The following RFFL variants were observed in gnomAD, a reference collection of about 807,000 sequenced individuals.
The protein encoded by RFFL is E3 ubiquitin-protein ligase rififylin.
Under a neutral mutation model 40.4 loss-of-function variants are expected in RFFL, and 16 were observed. The observed-to-expected ratio is 0.40, with a 90% CI of 0.27 to 0.60. The LOEUF (loss-of-function observed/expected upper bound fraction) is 0.60, where lower values mean the gene tolerates loss of function less well. Among genes scored for constraint, RFFL ranks in the 20% least tolerant of loss-of-function variants. The probability of loss-of-function intolerance (pLI) is 0.47; values close to 1 mark genes in which losing one functional copy is unlikely to be tolerated. For missense variants in RFFL, 367 were observed against 451.7 expected (o/e 0.81, Z 1.70); for synonymous variants, 154 against 167.9 (o/e 0.92, Z 0.64).
At chr17:35,019,672 C>T (rs1410334707) in intron 3 of RFFL, among the ~76,000 whole-genome samples, 1 of 152,030 alleles carries the variant, frequency 6.6e-6, no homozygotes, top group Non-Finnish European at 1.5e-5. Flanking sequence ...CCACGCCCAG[C>T]CAAGGTTCTT....
At chr17:35,035,569 C>T (rs1255977493) in intron 1 of RFFL, among the ~76,000 whole-genome samples, 1 of 151,662 alleles carries the variant, frequency 6.6e-6, no homozygotes, top group Non-Finnish European at 1.5e-5. Flanking sequence ...CTTAGACCTG[C>T]TCAGTCTAAC....
chr17:35,034,004 G>A (rs1012264749), intron 1 of RFFL, among the ~76,000 whole-genome samples: 1 of 151,784 alleles, frequency 6.6e-6, no homozygotes, highest in Non-Finnish European at 1.5e-5. Context: ...TTAGCCAGAC[G>A]TGGTGGCGGG....
At chr17:35,079,155 T>C (rs1212265673) in intron 1 of RFFL, among the ~76,000 whole-genome samples, 2 of 152,206 alleles carry the variant, frequency 1.3e-5, no homozygotes, top group Non-Finnish European at 2.9e-5. Context: ...TTTGTGTTCC[T>C]GGGATTACAG....
intron 1 of RFFL, among the ~76,000 whole-genome samples, chr17:35,052,115 C>T (rs1434208871): frequency 2.6e-5 from 4 of 152,146 alleles, no homozygotes; most frequent in East Asian, 1.9e-4. Flanking sequence ...TCAATATTAA[C>T]GGTTAGCAGA....
chr17:35,053,823 T>C (rs1052759443), intron 1 of RFFL, among the ~76,000 whole-genome samples: 6 of 152,254 alleles, frequency 3.9e-5, no homozygotes, highest in African/African-American at 1.4e-4. Context: ...GCCAGATCTC[T>C]TGATATTGAA....
At chr17:35,032,634 C>T (rs534691663) in intron 1 of RFFL, among the ~76,000 whole-genome samples, 1 of 152,022 alleles carries the variant, frequency 6.6e-6, no homozygotes, top group African/African-American at 2.4e-5. Context: ...TACACAGGTA[C>T]ATGTTTGGGC....
rs2090927408 is a variant in RFFL, at chr17:35,010,164, T to C, written c.*1804A>G. ...CATAAATATGTCTGTACCAATGTAA[T>C]AAGTCCCTTTAGAGGTTTCCCTCTG... On this transcript the variant is annotated 3_prime_UTR_variant, in exon 7 of 7. Transcript: ENST00000394597. The C allele has an allele frequency of 1.3e-5, 2 of 152,354 alleles. No individual in the cohort carries two copies. Among genetic ancestry groups the C allele is most frequent in the South Asian group, 4.1e-4 (2 of 4,830 alleles). The allele number at this position is 152,354 out of a possible 1,614,324, so 9.4% of individuals were successfully genotyped here. A position where few individuals can be genotyped will look rare whatever the true frequency, so the allele number is the denominator to read the frequency against.
At chr17:35,030,279 A>G (rs1233638690) in intron 1 of RFFL, among the ~76,000 whole-genome samples, 2 of 149,440 alleles carry the variant, frequency 1.3e-5, no homozygotes, top group African/African-American at 5.0e-5. Context: ...TGACTTCCAC[A>G]ATGGTTGAAC....
chr17:35,058,661 C>T (rs574671131), intron 1 of RFFL, among the ~76,000 whole-genome samples: 24 of 152,220 alleles, frequency 1.6e-4, no homozygotes, highest in Admixed American at 1.0e-3. Flanking sequence ...ATCCCAGCTA[C>T]TCAGGAGGCT....
Position 35,016,564 on chromosome 17 carries a change from T to G in RFFL, c.692A>C (p.Asp231Ala), listed in dbSNP as rs1258079905. ...EDETQSIDSE[D>A]SFVPGRRASL... The stretch of plus-strand genomic sequence containing the variant: ...GGCCCTTCGGCCTGGGACAAAGCTG[T>G]CCTCTGAGTCAATAGACTGCAATGA... The change falls in exon 5 of 7, where the codon GAC becomes GCC. Residue 231 changes from aspartate to alanine, a missense_variant. Coordinates refer to ENST00000394597, the MANE Select transcript of RFFL (RefSeq NM_001017368.2). 1 of 1,613,968 alleles carries G rather than the reference T, an allele frequency of 6.2e-7. No homozygotes were observed. The highest frequency in any genetic ancestry group is 1.1e-5 in the South Asian group (1 of 91,084).
intron 1 of RFFL, among the ~76,000 whole-genome samples, chr17:35,062,395 T>C (rs2091297263): frequency 1.3e-5 from 2 of 151,552 alleles, no homozygotes; most frequent in African/African-American, 4.9e-5. Flanking sequence ...AGAGCAAGAT[T>C]CCTCTCAGAA....
At chr17:35,073,450 G>A (rs748669930) in intron 1 of RFFL, among the ~76,000 whole-genome samples, 5 of 152,174 alleles carry the variant, frequency 3.3e-5, no homozygotes, top group Admixed American at 6.5e-5. Context: ...GCTTCTTACC[G>A]CAAATAGTTT....
rs576739082 is a variant in RFFL, at chr17:35,047,320, T to A, written c.-9+16256A>T. The stretch of plus-strand genomic sequence containing the variant: ...TGCAATTTACCTTTCCAAAGTGGAC[T>A]GCACGAAAATTACTGCAGCCAAATG... On this transcript the variant is annotated intron_variant, in intron 1 of 6. Transcript: ENST00000394597. Among the ~76,000 whole-genome samples, 204 of 152,346 alleles carry A rather than the reference T, an allele frequency of 1.3e-3. 9 individuals carry two copies. In the South Asian group the frequency reaches 0.04, roughly 30 times the overall value.
chr17:35,076,032 C>T (rs1246428840), intron 1 of RFFL, among the ~76,000 whole-genome samples: 1 of 112,288 alleles, frequency 8.9e-6, no homozygotes, highest in African/African-American at 3.6e-5. Flanking sequence ...CTTGCTCTGT[C>T]TCCCAGGCTG....
rs2090904358 is a variant in RFFL at position 35,007,656 on chromosome 17, C to G, written c.*4312G>C. On this transcript the variant is annotated 3_prime_UTR_variant, in exon 7 of 7. Transcript: ENST00000394597. Reference sequence around the variant, plus strand: ...GGGGCTGCATTCTCAGTAGTCTTTTCCCTGCTCCTTGGGCGCCTGGTCAGG... The same window carrying G: ...GGGGCTGCATTCTCAGTAGTCTTTTGCCTGCTCCTTGGGCGCCTGGTCAGG... 1 of 152,282 alleles carries G rather than the reference C, an allele frequency of 6.6e-6. No homozygotes were observed. The allele number at this position is 152,282 out of a possible 1,614,324, so 9.4% of individuals were successfully genotyped here. A position where few individuals can be genotyped will look rare whatever the true frequency, so the allele number is the denominator to read the frequency against.
rs570644561 is a variant in RFFL at position 35,012,816 on chromosome 17, A to C, written c.911-667T>G. Among the ~76,000 whole-genome samples the C allele has an allele frequency of 9.2e-5, 14 of 152,300 alleles. No homozygotes were observed. In the East Asian group the frequency reaches 1.4e-3, roughly 15 times the overall value. On this transcript the variant is annotated intron_variant, in intron 6 of 6. Coordinates refer to ENST00000394597, the MANE Select transcript of RFFL (RefSeq NM_001017368.2). ...CTTATCACATTGGATTAAAATTTTG[A>C]GTTTGCCTACTTACTCCCAGAGTAG...
At chr17:35,014,817 C>T (rs993100582) in intron 5 of RFFL, 54 bp from the exon 6 acceptor site, 180 of 1,515,898 alleles carry the variant, frequency 1.2e-4, no homozygotes, top group Non-Finnish European at 1.5e-4. Flanking sequence ...GGTACAAATA[C>T]AGTCTCTTAC....
intron 3 of RFFL, among the ~76,000 whole-genome samples, chr17:35,019,742 A>G (rs1252073682): frequency 6.6e-6 from 1 of 152,166 alleles, no homozygotes; most frequent in Non-Finnish European, 1.5e-5. Flanking sequence ...GTGGAAAAAA[A>G]AAAAACACAA....
At chr17:35,014,093 G>A (rs1004925146) in intron 6 of RFFL, among the ~76,000 whole-genome samples, 19 of 152,140 alleles carry the variant, frequency 1.2e-4, no homozygotes, top group Non-Finnish European at 2.9e-5. Flanking sequence ...TACCCTTGAG[G>A]CTTTTGAAAA....
Sources: gnomAD v4.1 joint callset for allele counts (sites outside exome capture counted in the v4.1 genomes callset) on GRCh38, gnomAD v4.1.1 for gene constraint, MANE v1.5 for transcripts, NCBI Gene and HGNC (gene_info 2026-07-23, HGNC 2026-07-21) for gene names.